Variants in TSPAN9 observed in about 807,000 individuals in gnomAD.
TSPAN9 encodes the protein tetraspanin 9, also known as tetraspanin-9.
TSPAN9 carries 16 observed loss-of-function variants against 31.0 expected under a neutral mutation model. The ratio of observed to expected loss-of-function variants is 0.52; its 90% CI spans 0.35 to 0.78. The LOEUF (loss-of-function observed/expected upper bound fraction) is 0.78. Ranked by LOEUF, TSPAN9 falls within the 30% of genes least tolerant of loss-of-function variation. The pLI, the probability that TSPAN9 is intolerant of heterozygous loss-of-function variation, is 0.01. For synonymous variants in TSPAN9, 145 were observed against 121.6 expected (o/e 1.19, Z -1.27); for missense variants, 272 against 312.5 (o/e 0.87, Z 0.98).
chr12:3,198,956 C>G (rs1469804330), intron 2 of TSPAN9, among the ~76,000 whole-genome samples: 1 of 152,230 alleles, frequency 6.6e-6, no homozygotes, highest in East Asian at 1.9e-4. Context: ...ATTCATGTCC[C>G]CCTCCCACCA....
At chr12:3,098,846 G>A (rs1293663261) in intron 2 of TSPAN9, among the ~76,000 whole-genome samples, 2 of 151,712 alleles carry the variant, frequency 1.3e-5, no homozygotes, top group African/African-American at 4.8e-5. Context: ...AGCCTCCTGG[G>A]TTCAAGTGAT....
chr12:3,277,946 C>T (rs1862820264), intron 3 of TSPAN9, among the ~76,000 whole-genome samples: 1 of 152,264 alleles, frequency 6.6e-6, no homozygotes, highest in Non-Finnish European at 1.5e-5. Context: ...GAAGTTCTGG[C>T]TCCAAGAAAC....
intron 2 of TSPAN9, among the ~76,000 whole-genome samples, chr12:3,130,123 C>A (rs113449917): frequency 2.0e-5 from 3 of 152,200 alleles, no homozygotes; most frequent in Admixed American, 1.3e-4. Flanking sequence ...GCCAGAGGGT[C>A]GCTTCCCTTC....
At chr12:3,159,038 TTGTC>T (rs755412084) in intron 2 of TSPAN9, among the ~76,000 whole-genome samples, 10 of 152,104 alleles carry the variant, frequency 6.6e-5, no homozygotes, top group Non-Finnish European at 1.5e-4. Flanking sequence ...CAGAGCTTGA[TTGTC>T]TGCGCTCCCC....
chr12:3,175,136 A>G (rs1308092035), intron 2 of TSPAN9, among the ~76,000 whole-genome samples: 1 of 152,022 alleles, frequency 6.6e-6, no homozygotes, highest in Non-Finnish European at 1.5e-5. Flanking sequence ...ATCATTTGGG[A>G]TGAATGTGCT....
intron 3 of TSPAN9, among the ~76,000 whole-genome samples, chr12:3,244,262 G>A (rs527535203): frequency 6.6e-6 from 1 of 152,298 alleles, no homozygotes; most frequent in South Asian, 2.1e-4. Flanking sequence ...GGTCCCAGTA[G>A]GTAAGCGGGT....
At chr12:3,251,142 G>A (rs187389852) in intron 3 of TSPAN9, among the ~76,000 whole-genome samples, 3 of 152,350 alleles carry the variant, frequency 2.0e-5, no homozygotes, top group African/African-American at 7.2e-5. Flanking sequence ...GGGCTACTTA[G>A]AAGTTGTGGA....
chr12:3,154,392 A>G (rs1315578516), intron 2 of TSPAN9, among the ~76,000 whole-genome samples: 2 of 152,156 alleles, frequency 1.3e-5, no homozygotes, highest in South Asian at 2.1e-4. Flanking sequence ...AATAATTCCT[A>G]AGTGCACTCC....
At chr12:3,249,680 C>A (rs1232090494) in intron 3 of TSPAN9, among the ~76,000 whole-genome samples, 1 of 152,192 alleles carries the variant, frequency 6.6e-6, no homozygotes, top group South Asian at 2.1e-4. Context: ...TAGGGCTTCA[C>A]ATATGTTTGG....
At chr12:3,232,696 C>A (rs1455864383) in intron 3 of TSPAN9, among the ~76,000 whole-genome samples, 1 of 152,196 alleles carries the variant, frequency 6.6e-6, no homozygotes, top group African/African-American at 2.4e-5. Flanking sequence ...GTGATGCTGG[C>A]GCATCCAGCC....
intron 2 of TSPAN9, among the ~76,000 whole-genome samples, chr12:3,136,166 A>G (rs1256305944): frequency 6.6e-6 from 1 of 152,186 alleles, no homozygotes; most frequent in Non-Finnish European, 1.5e-5. Context: ...GACAGCAAAC[A>G]TGTAGGAAGC....
intron 3 of TSPAN9, among the ~76,000 whole-genome samples, chr12:3,253,008 G>A (rs142751863): frequency 1.3e-3 from 200 of 152,242 alleles, no homozygotes; most frequent in African/African-American, 4.6e-3. Context: ...GCTGCGTGGC[G>A]TGTCCGAGTG....
At chr12:3,200,827 C>A (rs1029832116) in intron 2 of TSPAN9, 3 of 224,416 alleles carry the variant, frequency 1.3e-5, no homozygotes, top group Admixed American at 6.0e-5. Flanking sequence ...CTCCGCCGGC[C>A]CCCCCGCAGC....
chr12:3,108,700 G>T (rs2098315953), intron 2 of TSPAN9, among the ~76,000 whole-genome samples: 2 of 152,122 alleles, frequency 1.3e-5, no homozygotes, highest in Admixed American at 1.3e-4. Flanking sequence ...TCCTGGATTG[G>T]TCTTACAATT....
intron 3 of TSPAN9, among the ~76,000 whole-genome samples, chr12:3,217,236 A>T (rs2098381839): frequency 6.6e-6 from 1 of 152,138 alleles, no homozygotes; most frequent in Non-Finnish European, 1.5e-5. Context: ...CGGACCTTGG[A>T]TGCCAGGGGC....
At chr12:3,145,982 G>A (rs769201620) in intron 2 of TSPAN9, among the ~76,000 whole-genome samples, 6 of 152,224 alleles carry the variant, frequency 3.9e-5, no homozygotes, top group African/African-American at 1.4e-4. Flanking sequence ...AGCGAGCCAC[G>A]GGGCACGCGG....
intron 3 of TSPAN9, among the ~76,000 whole-genome samples, chr12:3,258,232 C>T (rs1862384727): frequency 6.6e-6 from 1 of 152,068 alleles, no homozygotes; most frequent in Admixed American, 6.6e-5. Context: ...AGGGCTGGTT[C>T]GTCTGCAGGT....
intron 3 of TSPAN9, among the ~76,000 whole-genome samples, chr12:3,247,643 A>T (rs1367650868): frequency 6.6e-6 from 1 of 152,130 alleles, no homozygotes. Flanking sequence ...GTCCATTGTC[A>T]TCTCCTTTTG....
At chr12:3,129,017 A>G (rs1255766769) in intron 2 of TSPAN9, among the ~76,000 whole-genome samples, 1 of 152,184 alleles carries the variant, frequency 6.6e-6, no homozygotes. Flanking sequence ...GAATCATGCA[A>G]TATTGAACCT....
Sources: allele counts gnomAD v4.1 joint callset (sites outside exome capture counted in the v4.1 genomes callset), GRCh38; gene constraint gnomAD v4.1.1; transcripts MANE v1.5; gene names NCBI Gene and HGNC (gene_info 2026-07-23, HGNC 2026-07-21).